PPARGC1A: variants seen among roughly 807,000 people sequenced by gnomAD.
The protein encoded by PPARGC1A is peroxisome proliferator-activated receptor gamma coactivator 1-alpha.
PPARGC1A carries 25 observed loss-of-function variants against 88.7 expected under a neutral mutation model. The ratio of observed to expected loss-of-function variants is 0.28; its 90% CI spans 0.21 to 0.39. The LOEUF (loss-of-function observed/expected upper bound fraction) is 0.39. Ranked by LOEUF, PPARGC1A falls within the 10% of genes least tolerant of loss-of-function variation. PPARGC1A has a pLI of 1.00. For missense variants in PPARGC1A, 880 were observed against 968.7 expected (o/e 0.91, Z 1.22); for synonymous variants, 363 against 355.6 (o/e 1.02, Z -0.24).
intron 5 of PPARGC1A, among the ~76,000 whole-genome samples, chr4:23,824,763 C>T (rs140784699): frequency 4.1e-4 from 63 of 152,158 alleles, no homozygotes; most frequent in Non-Finnish European, 7.8e-4. Flanking sequence ...CTCCCTGTTA[C>T]AGATACAAAA....
chr4:23,867,591 C>T (rs945155352), intron 2 of PPARGC1A, among the ~76,000 whole-genome samples: 3 of 152,134 alleles, frequency 2.0e-5, no homozygotes, highest in Admixed American at 2.0e-4. Flanking sequence ...CAGAAAAGGG[C>T]AGGGAATTAA....
At chr4:24,470,277 G>GACACACAGACACACACAC in the PPARGC1A span, among the ~76,000 whole-genome samples, 3 of 110,746 alleles carry the variant, frequency 2.7e-5, no homozygotes, top group South Asian at 6.9e-4. The surrounding 1 kb of genome is among the most constrained non-coding windows in gnomAD (Gnocchi z 5.8). Flanking sequence ...GACAGACACA[G>GACACACAGACACACACAC]ACACACACAC....
chr4:24,223,871 A>T, the PPARGC1A span, among the ~76,000 whole-genome samples: 1 of 152,256 alleles, frequency 6.6e-6, no homozygotes, highest in Non-Finnish European at 1.5e-5. Context: ...TCCTTCACTT[A>T]GCATTCCACT....
chr4:24,049,263 AATAC>A, the PPARGC1A span, among the ~76,000 whole-genome samples: 1,053 of 141,234 alleles, frequency 7.5e-3, 17 homozygotes, highest in African/African-American at 0.026. Context: ...TATGTATATA[AATAC>A]ATATATATAC....
At chr4:24,179,990 G>A in the PPARGC1A span, among the ~76,000 whole-genome samples, 1 of 152,084 alleles carries the variant, frequency 6.6e-6, no homozygotes, top group Non-Finnish European at 1.5e-5. Context: ...TGCTACCAAG[G>A]AGTGTTGTCT....
At chr4:24,111,814 G>A in the PPARGC1A span, among the ~76,000 whole-genome samples, 6 of 152,146 alleles carry the variant, frequency 3.9e-5, no homozygotes, top group African/African-American at 1.2e-4. Context: ...TCCCAGTGGA[G>A]ACAGTCAACA....
At chr4:24,095,209 C>T in the PPARGC1A span, among the ~76,000 whole-genome samples, 2 of 151,504 alleles carry the variant, frequency 1.3e-5, no homozygotes, top group African/African-American at 4.9e-5. Context: ...CCTGTGCCTC[C>T]CGGGTTCAAG....
the PPARGC1A span, among the ~76,000 whole-genome samples, chr4:24,115,882 A>G: frequency 6.6e-6 from 1 of 152,080 alleles, no homozygotes; most frequent in Non-Finnish European, 1.5e-5. Context: ...CTTTACATTG[A>G]TTTTTATTCA....
the PPARGC1A span, among the ~76,000 whole-genome samples, chr4:24,112,423 A>T: frequency 6.6e-6 from 1 of 152,208 alleles, no homozygotes; most frequent in Non-Finnish European, 1.5e-5. Flanking sequence ...CACCCTAAAA[A>T]ATGTGAAGCA....
intron 2 of PPARGC1A, among the ~76,000 whole-genome samples, chr4:23,855,112 G>T (rs913657463): frequency 2.6e-5 from 4 of 152,030 alleles, no homozygotes; most frequent in African/African-American, 9.7e-5. Context: ...CTTTCACTTG[G>T]CTCTCATTTT....
At chr4:24,194,619 C>T in the PPARGC1A span, among the ~76,000 whole-genome samples, 1,456 of 25,190 alleles carry the variant, frequency 0.058, 31 homozygotes, top group African/African-American at 0.14. Flanking sequence ...CACACGCGCG[C>T]GCACGCGCGC....
At chr4:24,441,752 G>T in the PPARGC1A span, among the ~76,000 whole-genome samples, 3 of 152,266 alleles carry the variant, frequency 2.0e-5, no homozygotes, top group South Asian at 2.1e-4. Context: ...GGAGGAAAAG[G>T]GTGGAAGAAA....
chr4:24,426,719 A>G, the PPARGC1A span, among the ~76,000 whole-genome samples: 1 of 152,182 alleles, frequency 6.6e-6, no homozygotes, highest in South Asian at 2.1e-4. Context: ...TAAAAGCTCA[A>G]ACTGTTCCAA....
At chr4:23,846,115 G>T (rs1310087493) in intron 2 of PPARGC1A, among the ~76,000 whole-genome samples, 1 of 152,182 alleles carries the variant, frequency 6.6e-6, no homozygotes, top group Non-Finnish European at 1.5e-5. Context: ...CATGGAAAAT[G>T]ACAAGACAGG....
chr4:24,282,071 G>T, the PPARGC1A span, among the ~76,000 whole-genome samples: 2 of 117,786 alleles, frequency 1.7e-5, no homozygotes, highest in African/African-American at 5.4e-5. Flanking sequence ...AACATTTTTT[G>T]AATGAATGAA....
chr4:24,388,456 C>T, the PPARGC1A span, among the ~76,000 whole-genome samples: 2 of 152,170 alleles, frequency 1.3e-5, no homozygotes, highest in Non-Finnish European at 2.9e-5. Context: ...TTGACCCAGC[C>T]ATCCCATTAC....
chr4:24,031,052 G>A, the PPARGC1A span, among the ~76,000 whole-genome samples: 1 of 152,042 alleles, frequency 6.6e-6, no homozygotes, highest in African/African-American at 2.4e-5. Flanking sequence ...ACTTGCCTGG[G>A]AGACGAAAAA....
upstream of PPARGC1A, among the ~76,000 whole-genome samples, chr4:23,906,159 T>C (rs1046865700): frequency 7.9e-5 from 12 of 152,186 alleles, no homozygotes; most frequent in African/African-American, 2.9e-4. Flanking sequence ...ACTTGGGGTG[T>C]CTGATTCAGG....
At chr4:24,220,004 T>C in the PPARGC1A span, among the ~76,000 whole-genome samples, 5 of 152,088 alleles carry the variant, frequency 3.3e-5, no homozygotes, top group Admixed American at 2.0e-4. Context: ...ATCCATAATC[T>C]ATAAGGAACT....
Sources: allele counts gnomAD v4.1 joint callset (sites outside exome capture counted in the v4.1 genomes callset), GRCh38; gene constraint gnomAD v4.1.1; non-coding constraint Gnocchi (gnomAD v3.1); transcripts MANE v1.5; gene names NCBI Gene and HGNC (gene_info 2026-07-23, HGNC 2026-07-21).